The following CCDC93 variants were observed in gnomAD, a reference collection of about 807,000 sequenced individuals.
The protein encoded by CCDC93 is coiled-coil domain-containing protein 93.
In CCDC93, 61 loss-of-function variants were observed where a neutral mutation model predicts 108.2. The observed-to-expected ratio is 0.56, with a 90% confidence interval of 0.46 to 0.70. CCDC93 has a LOEUF of 0.70. Ranked by LOEUF, CCDC93 falls within the 30% of genes least tolerant of loss-of-function variation. The pLI is 0.00. For missense variants in CCDC93, 685 were observed against 764.2 expected (o/e 0.90, Z 1.22); for synonymous variants, 276 against 260.4 (o/e 1.06, Z -0.58).
intron 11 of CCDC93, among the ~76,000 whole-genome samples, chr2:117,961,520 A>C (rs1477477146): frequency 6.6e-6 from 1 of 152,240 alleles, no homozygotes; most frequent in Non-Finnish European, 1.5e-5. Context: ...TACTGAGCTG[A>C]AATGAGAGTT....
chr2:118,013,139 T>C (rs1474739323), intron 1 of CCDC93, among the ~76,000 whole-genome samples: 1 of 152,244 alleles, frequency 6.6e-6, no homozygotes, highest in Non-Finnish European at 1.5e-5. Context: ...TAAGTGGTAT[T>C]TGCAGCCAAA....
chr2:117,936,470 T>A (rs1039154253), intron 21 of CCDC93: 8 of 470,082 alleles, frequency 1.7e-5, no homozygotes, highest in Non-Finnish European at 3.0e-5. Context: ...TATTTGAAAG[T>A]TAACTTTTTT....
Position 117,996,301 on chromosome 2 carries a change from G to T in CCDC93, c.425C>A (p.Ser142Tyr). 6.2e-7 allele frequency: 1 copy of T among 1,613,510 alleles called. No individual in the cohort carries two copies. The change falls in exon 5 of 24, where the codon TCT becomes TAT. Residue 142 changes from serine to tyrosine, a missense_variant. Ser to Tyr is a moderately radical substitution (Grantham distance 144, BLOSUM62 -2). Transcript: ENST00000376300. ...EEMGDYIRSY[S>Y]VSQFQKTYSL... Reference sequence around the variant, plus strand: ...GTAAGTCTTCTGGAACTGGGATACAGAGTAGGAGCGGATATAGTCACCCAT... The same window carrying T: ...GTAAGTCTTCTGGAACTGGGATACATAGTAGGAGCGGATATAGTCACCCAT...
intron 8 of CCDC93, among the ~76,000 whole-genome samples, chr2:117,975,560 G>A (rs1679917064): frequency 6.6e-6 from 1 of 152,202 alleles, no homozygotes; most frequent in Non-Finnish European, 1.5e-5. Flanking sequence ...CACTTTGACT[G>A]GGGCTTCCCC....
chr2:117,932,941 T>C (rs1321895255), intron 22 of CCDC93, among the ~76,000 whole-genome samples: 3 of 152,202 alleles, frequency 2.0e-5, no homozygotes, highest in African/African-American at 4.8e-5. Context: ...CTCTGCACTT[T>C]AGCAAAACAC....
At chr2:117,929,656 A>G (rs11888485) in intron 23 of CCDC93, among the ~76,000 whole-genome samples, 2,736 of 152,322 alleles carry the variant, frequency 0.018, 71 homozygotes, top group African/African-American at 0.06. Flanking sequence ...AGTTTTGATT[A>G]AAGGGAACGA....
At chr2:117,985,422 G>A (rs1380858610) in intron 7 of CCDC93, 4 of 966,578 alleles carry the variant, frequency 4.1e-6, no homozygotes, top group Admixed American at 6.2e-5. Context: ...AAGAGAATGC[G>A]TGACATAAAA....
intron 23 of CCDC93, among the ~76,000 whole-genome samples, chr2:117,929,420 G>T (rs993714886): frequency 3.3e-5 from 5 of 152,184 alleles, no homozygotes; most frequent in Non-Finnish European, 7.3e-5. Context: ...TGCCAGCACA[G>T]GTGGGAACCC....
rs374144168 is a variant in CCDC93, at chr2:117,950,921, G to A, written c.1068+1452C>T. ...TTTCCCATCTGCAAAAAGGAACGAC[G>A]ACTGCAGGAATGATATGCCCAGAGC... On this transcript the variant is annotated intron_variant, in intron 13 of 23. Transcript: ENST00000376300. The A allele has an allele frequency of 1.4e-4, 137 of 985,380 alleles. No homozygotes were observed. The African/African-American group carries it at 1.8e-3, about 13-fold the overall frequency. The allele number at this position is 985,380 out of a possible 1,614,324, so 61.0% of individuals were successfully genotyped here. A position where few individuals can be genotyped will look rare whatever the true frequency, so the allele number is the denominator to read the frequency against.
intron 11 of CCDC93, among the ~76,000 whole-genome samples, chr2:117,965,763 C>G (rs752874905): frequency 9.2e-5 from 14 of 152,106 alleles, no homozygotes; most frequent in Admixed American, 3.9e-4. Context: ...ATCCCTGCCC[C>G]CTACACCTGA....
chr2:117,948,234 T>G (rs1272511808), intron 14 of CCDC93, 48 bp from the exon 15 acceptor site: 2 of 1,414,304 alleles, frequency 1.4e-6, no homozygotes, highest in South Asian at 2.4e-5. Flanking sequence ...CATTATGATT[T>G]TATGAATCGC....
chr2:117,975,440 G>C (rs988529532), intron 8 of CCDC93, among the ~76,000 whole-genome samples, 160 bp from the exon 9 acceptor site: 4 of 152,206 alleles, frequency 2.6e-5, no homozygotes, highest in African/African-American at 9.6e-5. Context: ...ACCTCCACTA[G>C]AGTATAGGGT....
chr2:117,922,970 T>G (rs1677927964), intron 23 of CCDC93, among the ~76,000 whole-genome samples: 1 of 150,846 alleles, frequency 6.6e-6, no homozygotes, highest in Non-Finnish European at 1.5e-5. Flanking sequence ...CACTGACATG[T>G]GGGTGCCAGT....
intron 7 of CCDC93, among the ~76,000 whole-genome samples, chr2:117,981,794 G>T (rs140832175): frequency 6.6e-6 from 1 of 152,036 alleles, no homozygotes; most frequent in Non-Finnish European, 1.5e-5. Context: ...CACACTAGTC[G>T]CATTTCAATT....
At chr2:117,971,012 C>CA in intron 11 of CCDC93, among the ~76,000 whole-genome samples, 1 of 151,812 alleles carries the variant, frequency 6.6e-6, no homozygotes, top group South Asian at 2.1e-4. Flanking sequence ...TTGTGTCTAA[C>CA]AAAAAAAAGT....
intron 3 of CCDC93, among the ~76,000 whole-genome samples, chr2:118,003,078 T>C (rs1414322448): frequency 6.6e-6 from 1 of 151,944 alleles, no homozygotes; most frequent in African/African-American, 2.4e-5. Context: ...AAGAAGAAAA[T>C]TTTCATGCAG....
rs1269862649 is a variant in CCDC93 at position 117,917,955 on chromosome 2, A to G, written c.*2388T>C. ...GGAAACCTGGTTCCTCCTGAAGCGC[A>G]TATTTTGAAAAAGTAACTTAAGGAT... is the stretch of plus-strand genomic sequence containing the variant. On this transcript the variant is annotated 3_prime_UTR_variant, in exon 24 of 24. Transcript: ENST00000376300. 6.6e-6 allele frequency: 1 copy of G among 152,204 alleles called. No individual in the cohort carries two copies. Among genetic ancestry groups the G allele is most frequent in the Non-Finnish European group, 1.5e-5 (1 of 68,064 alleles). The allele number at this position is 152,204 out of a possible 1,614,324, so 9.4% of individuals were successfully genotyped here. A position where few individuals can be genotyped will look rare whatever the true frequency, so the allele number is the denominator to read the frequency against.
At chr2:117,989,476 G>A (rs1558798398) in intron 6 of CCDC93, among the ~76,000 whole-genome samples, 1 of 152,304 alleles carries the variant, frequency 6.6e-6, no homozygotes, top group South Asian at 2.1e-4. Context: ...CTTGCAGTCA[G>A]GTCGTTCTTC....
rs1340835019 is a variant in CCDC93 at position 117,941,350 on chromosome 2, G to A, written c.1414-53C>T. On this transcript the variant is annotated intron_variant, in intron 18 of 23. Transcript: ENST00000376300. ...TACTATTTGGTAAAAGGCCTTACAT[G>A]TTCTCTAGGGAGCCAAAATATTGCC... is the stretch of plus-strand genomic sequence containing the variant. 2.1e-6 allele frequency: 3 copies of A among 1,445,566 alleles called. No individual in the cohort carries two copies. In the African/African-American group the frequency reaches 4.2e-5, roughly 20 times the overall value. The allele number at this position is 1,445,566 out of a possible 1,614,324, so 89.5% of individuals were successfully genotyped here.
Sources: allele counts gnomAD v4.1 joint callset (sites outside exome capture counted in the v4.1 genomes callset), GRCh38; gene constraint gnomAD v4.1.1; transcripts MANE v1.5; gene names NCBI Gene and HGNC (gene_info 2026-07-23, HGNC 2026-07-21).